The following EDA variants were observed in gnomAD, a reference collection of about 807,000 sequenced individuals.
EDA encodes ectodysplasin-A.
Under a neutral mutation model 23.6 loss-of-function variants are expected in EDA, and 2 were observed. The observed-to-expected ratio is 0.08, with a 90% CI of 0.03 to 0.27. The LOEUF (loss-of-function observed/expected upper bound fraction) is 0.27, where lower values mean the gene tolerates loss of function less well. Among genes scored for constraint, EDA ranks in the 10% least tolerant of loss-of-function variants. EDA has a pLI of 1.00. For synonymous variants in EDA, 131 were observed against 132.0 expected, an observed-to-expected ratio of 0.99 and a Z score of 0.05; for missense variants, 229 against 324.2, an observed-to-expected ratio of 0.71 and a Z score of 2.26.
chrX:70,035,453 G>T lies in EDA; in HGVS notation c.1020G>T (p.Lys340Asn), dbSNP rs1209556386. The T allele has an allele frequency of 8.3e-7, 1 of 1,210,987 alleles. No individual in the cohort carries two copies. Among genetic ancestry groups the T allele is most frequent in the Non-Finnish European group, 1.1e-6 (1 of 895,387 alleles). Reference protein sequence around the residue: ...LQCTRSIETGKTNYNTCYTAG... With the variant: ...LQCTRSIETGNTNYNTCYTAG... ...GCACACGCAGCATCGAGACGGGCAA[G>T]ACCAACTACAACACTTGCTATACCG... Residue 340 changes from lysine to asparagine, a missense_variant, in exon 8 of 8, where the codon AAG becomes AAT. Coordinates refer to ENST00000374552, the MANE Select transcript of EDA (RefSeq NM_001399.5).
intron 1 of EDA, among the ~76,000 whole-genome samples, chrX:69,806,621 C>T (rs2015821998): frequency 9.0e-6 from 1 of 110,867 alleles, no homozygotes; most frequent in Admixed American, 9.7e-5. Context: ...GTAAAATTTA[C>T]AAATGGGTTA....
chrX:69,812,246 A>T, intron 1 of EDA, among the ~76,000 whole-genome samples: 1 of 112,007 alleles, frequency 8.9e-6, no homozygotes, highest in Non-Finnish European at 1.9e-5. Context: ...TGTAGTAGTG[A>T]TATCCACTCT....
At chrX:69,958,843 C>G (rs2019058952) in intron 2 of EDA, among the ~76,000 whole-genome samples, 1 of 110,953 alleles carries the variant, frequency 9.0e-6, no homozygotes, top group Admixed American at 9.6e-5. Context: ...TCAGCTTTTC[C>G]CCTGAGGCTA....
At chrX:69,667,613 C>A (rs1239422828) in intron 1 of EDA, among the ~76,000 whole-genome samples, 1 of 111,154 alleles carries the variant, frequency 9.0e-6, no homozygotes, top group Non-Finnish European at 1.9e-5. Flanking sequence ...TTTATGATTT[C>A]TTTCCTTCTT....
chrX:69,950,994 T>G (rs2018915319), intron 1 of EDA, among the ~76,000 whole-genome samples: 1 of 101,079 alleles, frequency 9.9e-6, no homozygotes, highest in Admixed American at 1.1e-4. Context: ...TAATGGTAGA[T>G]GACGAGTTAG....
rs191806796 is a variant in EDA at position 69,698,976 on chromosome X, A to G, written c.396+82272A>G. 3.6e-5 allele frequency among the ~76,000 whole-genome samples: 4 copies of G among 111,620 alleles called. No individual in the cohort carries two copies. The East Asian group carries it at 1.1e-3, about 32-fold the overall frequency. ...CCCGGAGAAAGTACAGACAAAGACT[A>G]GAAGATAGCAGAGCCATTTACCGGG... On this transcript the variant is annotated intron_variant, in intron 1 of 7. Transcript: ENST00000374552.
chrX:69,933,455 G>A (rs1352550632), intron 1 of EDA, among the ~76,000 whole-genome samples: 1 of 111,728 alleles, frequency 9.0e-6, no homozygotes, highest in Non-Finnish European at 1.9e-5. Flanking sequence ...GCCGAGGCGG[G>A]CAGATCATGA....
At chrX:69,897,229 CA>C (rs2018030088) in intron 1 of EDA, among the ~76,000 whole-genome samples, 1 of 111,285 alleles carries the variant, frequency 9.0e-6, no homozygotes, top group Admixed American at 9.6e-5. Context: ...CTCCCTCCCC[CA>C]CCAAAACAAT....
At chrX:69,935,980 CTTTA>C (rs772199136) in intron 1 of EDA, among the ~76,000 whole-genome samples, 37 of 105,737 alleles carry the variant, frequency 3.5e-4, no homozygotes, top group African/African-American at 1.2e-3. Context: ...ATATTTTATC[CTTTA>C]TTTATGTACT....
At chrX:70,000,347 T>C (rs772660468) in intron 2 of EDA, among the ~76,000 whole-genome samples, 1 of 112,600 alleles carries the variant, frequency 8.9e-6, no homozygotes, top group Admixed American at 9.4e-5. Context: ...TAAAAAGATA[T>C]TATAAATAGC....
At chrX:69,781,630 G>A (rs1309493824) in intron 1 of EDA, among the ~76,000 whole-genome samples, 1 of 111,170 alleles carries the variant, frequency 9.0e-6, no homozygotes, top group African/African-American at 3.3e-5. Context: ...TGAATGTCTT[G>A]GTGAAGTATG....
intron 1 of EDA, among the ~76,000 whole-genome samples, chrX:69,912,575 T>C (rs2018280848): frequency 9.0e-6 from 1 of 111,330 alleles, no homozygotes; most frequent in Non-Finnish European, 1.9e-5. Flanking sequence ...ATCAGAGCTC[T>C]TGGGTGACCA....
intron 1 of EDA, among the ~76,000 whole-genome samples, chrX:69,745,313 T>G (rs2013584994): frequency 9.0e-6 from 1 of 111,706 alleles, no homozygotes; most frequent in Non-Finnish European, 1.9e-5. Flanking sequence ...GCCATTCGTC[T>G]AGGAAATTAA....
At chrX:69,746,990 C>T (rs138654423) in intron 1 of EDA, among the ~76,000 whole-genome samples, 131 of 111,792 alleles carry the variant, frequency 1.2e-3, no homozygotes, top group African/African-American at 4.0e-3. Context: ...CAGTGAATAG[C>T]AGCTTCTCCC....
intron 1 of EDA, among the ~76,000 whole-genome samples, chrX:69,622,026 T>C (rs1490967251): frequency 8.9e-6 from 1 of 111,773 alleles, no homozygotes; most frequent in East Asian, 2.8e-4. Context: ...ACCAAAGTGA[T>C]GGGATTACAG....
At chrX:69,663,869 G>GACTC (rs1482023354) in intron 1 of EDA, among the ~76,000 whole-genome samples, 1 of 112,312 alleles carries the variant, frequency 8.9e-6, no homozygotes, top group Non-Finnish European at 1.9e-5. Context: ...GATAATTTTG[G>GACTC]AGCTCTAAGA....
intron 2 of EDA, among the ~76,000 whole-genome samples, chrX:70,006,206 T>C (rs1014970732): frequency 7.1e-5 from 8 of 112,285 alleles, no homozygotes; most frequent in African/African-American, 2.6e-4. Context: ...TGTGTGGACA[T>C]AAGTTTTCAG....
At chrX:69,810,197 G>A (rs2015914695) in intron 1 of EDA, among the ~76,000 whole-genome samples, 1 of 83,811 alleles carries the variant, frequency 1.2e-5, no homozygotes, top group Non-Finnish European at 2.1e-5. Flanking sequence ...GGCAGAGGTT[G>A]CAGTGAGCCA....
At chrX:69,910,808 TTCTG>T (rs1294821875) in intron 1 of EDA, among the ~76,000 whole-genome samples, 1 of 112,022 alleles carries the variant, frequency 8.9e-6, no homozygotes, top group African/African-American at 3.2e-5. Context: ...TGTTGAGATT[TTCTG>T]TCTTTTACTT....
Sources: allele counts gnomAD v4.1 joint callset (sites outside exome capture counted in the v4.1 genomes callset), GRCh38; gene constraint gnomAD v4.1.1; transcripts MANE v1.5; gene names NCBI Gene and HGNC (gene_info 2026-07-23, HGNC 2026-07-21).